Variants in CHD1L observed in about 807,000 individuals in gnomAD.
The protein encoded by CHD1L is ATP-dependent chromatin remodeler CHD1L.
CHD1L carries 118 observed loss-of-function variants against 115.9 expected under a neutral mutation model. That is an observed-to-expected ratio of 1.02 (90% confidence interval 0.88 to 1.19). The LOEUF (loss-of-function observed/expected upper bound fraction) is 1.19. CHD1L is among the 50% of genes most tolerant of loss of function. CHD1L has a pLI of 0.00. For synonymous variants in CHD1L, 411 were observed against 387.1 expected (o/e 1.06, Z -0.72); for missense variants, 1,179 against 1,065.3 (o/e 1.11, Z -1.49).
chr1:147,293,665 A>T lies in CHD1L; in HGVS notation c.2449A>T (p.Met817Leu). The T allele has an allele frequency of 1.2e-6, 2 of 1,614,176 alleles. No individual in the cohort carries two copies. Among genetic ancestry groups the T allele is most frequent in the Non-Finnish European group, 8.5e-7 (1 of 1,180,016 alleles). Residue 817 changes from methionine (M) to leucine (L), a missense_variant, in exon 21 of 23, where the codon ATG becomes TTG. Met to Leu is a conservative substitution (Grantham distance 15). Coordinates refer to ENST00000369258, the MANE Select transcript of CHD1L (RefSeq NM_004284.6). ...TTCCAATGTCCTGTCTGGCATTAAG[A>T]TGGCAGCCCTAGAAGAGGGCCTGAA... ...DRSNVLSGIK[M>L]AALEEGLKKI...
the CHD1L span, among the ~76,000 whole-genome samples, chr1:147,218,090 A>AAAAT: frequency 6.6e-6 from 1 of 152,246 alleles, no homozygotes; most frequent in Admixed American, 6.5e-5. Flanking sequence ...TGTATCTCCC[A>AAAAT]AAATTTTGTC....
chr1:147,190,273 A>C, the CHD1L span: 1 of 1,424,724 alleles, frequency 7.0e-7, no homozygotes, highest in East Asian at 2.3e-5. Context: ...TTAACATTTT[A>C]ACTGTAAAAT....
At chr1:147,295,238 T>C (rs1427420930) in intron 22 of CHD1L, among the ~76,000 whole-genome samples, 193 bp from the exon 23 acceptor site, 2 of 152,186 alleles carry the variant, frequency 1.3e-5, no homozygotes, top group African/African-American at 2.4e-5. Flanking sequence ...ATTCGAGCAG[T>C]ATCTAAAGAG....
chr1:147,248,210 A>ATTTTTTT (rs782741705), intron 1 of CHD1L, among the ~76,000 whole-genome samples: 1 of 150,014 alleles, frequency 6.7e-6, no homozygotes, highest in Non-Finnish European at 1.5e-5. Flanking sequence ...TGGAAGTCTT[A>ATTTTTTT]TTTTTTTTTT....
chr1:147,263,827 GTTC>G (rs1553945952), intron 6 of CHD1L, among the ~76,000 whole-genome samples: 4 of 151,500 alleles, frequency 2.6e-5, no homozygotes, highest in Non-Finnish European at 4.4e-5. Context: ...GCATCTTGGT[GTTC>G]TTCTTTGTTG....
the CHD1L span, among the ~76,000 whole-genome samples, chr1:147,217,330 C>A: frequency 6.6e-6 from 1 of 151,576 alleles, no homozygotes; most frequent in African/African-American, 2.4e-5. Context: ...TGCAATGATG[C>A]AATCTACCCA....
the CHD1L span, among the ~76,000 whole-genome samples, chr1:147,207,372 T>C: frequency 6.6e-6 from 1 of 152,222 alleles, no homozygotes; most frequent in Admixed American, 6.5e-5. Context: ...GCAACTTTTC[T>C]GTAGATCTGA....
At position 147,275,445 on chromosome 1, in the gene CHD1L, G is replaced by T; in HGVS notation, c.1362G>T (p.Arg454Ser). 6.2e-7 allele frequency: 1 copy of T among 1,613,928 alleles called. No homozygotes were observed. Among genetic ancestry groups the T allele is most frequent in the Non-Finnish European group, 8.5e-7 (1 of 1,179,846 alleles). Reference protein sequence around the residue: ...NPQNDLQAAARAHRIGQNKSV... With the variant: ...NPQNDLQAAASAHRIGQNKSV... The stretch of plus-strand genomic sequence containing the variant: ...AGAATGACTTGCAAGCAGCTGCCAG[G>T]GCTCATCGCATTGGCCAAAACAAGT... Residue 454 changes from arginine to serine, a missense_variant, in exon 13 of 23, where the codon AGG becomes AGT. Arg to Ser is a moderately radical substitution (Grantham distance 110). Transcript: ENST00000369258.
intron 5 of CHD1L, among the ~76,000 whole-genome samples, chr1:147,256,832 C>T (rs55708393): frequency 0.016 from 2,511 of 152,200 alleles, 73 homozygotes; most frequent in African/African-American, 0.057. Flanking sequence ...ATAGCTGTTA[C>T]GAAAATTAAA....
chr1:147,222,304 G>A, the CHD1L span, among the ~76,000 whole-genome samples: 1 of 152,186 alleles, frequency 6.6e-6, no homozygotes, highest in Non-Finnish European at 1.5e-5. Context: ...GGAGGCAGAG[G>A]TTGCAGTGAG....
the CHD1L span, among the ~76,000 whole-genome samples, chr1:147,234,096 A>T: frequency 9.2e-5 from 14 of 152,202 alleles, no homozygotes; most frequent in African/African-American, 1.9e-4. Context: ...ATCAATAAAA[A>T]AAATAAATAA....
the CHD1L span, chr1:147,201,250 T>C: frequency 6.2e-7 from 1 of 1,614,188 alleles, no homozygotes; most frequent in East Asian, 2.2e-5. Context: ...AGTTGGCCTT[T>C]CCAGGTTAGG....
chr1:147,235,703 A>G, the CHD1L span, among the ~76,000 whole-genome samples: 6 of 152,218 alleles, frequency 3.9e-5, no homozygotes, highest in South Asian at 2.1e-4. Context: ...TCAGAGGAAG[A>G]AGAAGGTCAT....
At position 147,267,405 on chromosome 1, in the gene CHD1L, CTCTTT is replaced by C. The variant is rs781931188; in HGVS notation, c.896-19_896-15del. On this transcript the variant is annotated splice_polypyrimidine_tract_variant and intron_variant, in intron 8 of 22. Coordinates refer to ENST00000369258, the MANE Select transcript of CHD1L (RefSeq NM_004284.6). ...CAGTAGGCCATCTCTTTCTGTCTCTCTCTTTTTTTTTAAATTTCAGATGCATTTGA... is the reference window on the plus strand; with the variant it reads ...CAGTAGGCCATCTCTTTCTGTCTCTCTTTTTTAAATTTCAGATGCATTTGA... 4 of 1,587,696 alleles carry C rather than the reference CTCTTT, an allele frequency of 2.5e-6. No homozygotes were observed. The highest frequency in any genetic ancestry group is 3.4e-6 in the Non-Finnish European group (4 of 1,159,670).
At chr1:147,278,177 G>A (rs1023970166) in intron 14 of CHD1L, among the ~76,000 whole-genome samples, 27 of 147,122 alleles carry the variant, frequency 1.8e-4, no homozygotes, top group Admixed American at 2.7e-4. Context: ...CAGAGCCCTT[G>A]TCTAAAAAGA....
In CHD1L at chr1:147,294,440, C is replaced by G. The variant is rs45563244; in HGVS notation, c.2538C>G (p.Ala846=). 40,152 of 1,611,376 alleles carry G rather than the reference C, an allele frequency of 0.025. 669 individuals carry two copies. Among genetic ancestry groups the G allele is most frequent in the Non-Finnish European group, 0.031 (36,601 of 1,178,626 alleles). ...TTCATCTTCCACGTATTGGACATGC[C>G]ACGAAAGGTTTTAACTGGTATGGTA... ...ASVHLPRIGH[A]TKGFNWYGTE... is the part of the protein sequence containing the mutation. The change falls in exon 22 of 23, where the codon GCC becomes GCG. Residue 846 remains alanine (A), a synonymous_variant. Coordinates refer to ENST00000369258, the MANE Select transcript of CHD1L (RefSeq NM_004284.6).
chr1:147,224,987 C>G, the CHD1L span: 2 of 1,613,958 alleles, frequency 1.2e-6, no homozygotes, highest in Non-Finnish European at 1.7e-6. Context: ...GAAGAGAGCC[C>G]GCTCACTCCT....
rs1042308396 is a variant in CHD1L at position 147,264,678 on chromosome 1, A to G, written c.739+94A>G. ...TATAGGTAGAAAAGAAGGAGAATTG[A>G]TGACCAGAGGACACCTTCCAGGGAG... is the stretch of plus-strand genomic sequence containing the variant. On this transcript the variant is annotated intron_variant, in intron 7 of 22. Coordinates refer to ENST00000369258, the MANE Select transcript of CHD1L (RefSeq NM_004284.6). 2.3e-5 allele frequency: 31 copies of G among 1,345,930 alleles called. No individual in the cohort carries two copies. In the African/African-American group the frequency reaches 2.8e-4, roughly 12 times the overall value. The allele number at this position is 1,345,930 out of a possible 1,614,324, so 83.4% of individuals were successfully genotyped here.
rs375685901 is a variant in CHD1L at position 147,280,062 on chromosome 1, C to T, written c.1576C>T (p.Leu526=). 29 of 1,613,926 alleles carry T rather than the reference C, an allele frequency of 1.8e-5. No individual in the cohort carries two copies. The Admixed American group carries it at 2.3e-4, about 13-fold the overall frequency. The part of the protein sequence containing the change: ...EILKFGLDKL[L]ASEGSTMDEI... The stretch of plus-strand genomic sequence containing the variant: ...ACTCAAATTTGGTTTGGATAAACTG[C>T]TGGCCTCTGAGGGGAGCACCATGGA... Residue 526 remains leucine, a synonymous_variant, in exon 15 of 23, where the codon CTG becomes TTG. Coordinates refer to ENST00000369258, the MANE Select transcript of CHD1L (RefSeq NM_004284.6).
Sources: allele counts gnomAD v4.1 joint callset (sites outside exome capture counted in the v4.1 genomes callset), GRCh38; gene constraint gnomAD v4.1.1; transcripts MANE v1.5; gene names NCBI Gene and HGNC (gene_info 2026-07-23, HGNC 2026-07-21).